The following ZNF74 variants were observed in gnomAD, a reference collection of about 807,000 sequenced individuals.
The protein encoded by ZNF74 is zinc finger protein 74, also known as zinc finger protein 520.
Under a neutral mutation model 17.7 loss-of-function variants are expected in ZNF74, and 12 were observed. The observed-to-expected ratio is 0.68, with a 90% CI of 0.43 to 1.10. The LOEUF (loss-of-function observed/expected upper bound fraction) is 1.10, where lower values mean the gene tolerates loss of function less well. Ranked by LOEUF, ZNF74 falls within the 50% of genes least tolerant of loss-of-function variation. ZNF74 has a pLI of 0.00. For missense variants in ZNF74, 811 were observed against 881.0 expected, an observed-to-expected ratio of 0.92 and a Z score of 1.01; for synonymous variants, 358 against 362.1, an observed-to-expected ratio of 0.99 and a Z score of 0.13.
chr22:20,394,738 A>G (rs2052272384), intron 1 of ZNF74, 76 bp downstream of exon 1: 2 of 1,410,268 alleles, frequency 1.4e-6, no homozygotes, highest in Admixed American at 1.9e-5. Context: ...AGATCAGGCC[A>G]GTTTCCCAGA....
chr22:20,401,332 A>G lies in ZNF74; in HGVS notation c.303A>G (p.Pro101=), dbSNP rs376009402. 7 of 1,611,304 alleles carry G rather than the reference A, an allele frequency of 4.3e-6. No homozygotes were observed. Among genetic ancestry groups the G allele is most frequent in the Non-Finnish European group, 5.1e-6 (6 of 1,178,890 alleles). ...VISHLERGEE[P]WSMQREVPRG... The stretch of plus-strand genomic sequence containing the variant: ...CTCATCTGGAACGAGGCGAGGAGCC[A>G]TGGAGCATGCAGAGGGAAGTCCCCA... Residue 101 remains proline (P), a synonymous_variant, in exon 4 of 5, where the codon CCA becomes CCG. Coordinates refer to ENST00000400451, the MANE Select transcript of ZNF74 (RefSeq NM_003426.4). This position sits in a 1 kb window ranked among gnomAD's most constrained non-coding sequence, Gnocchi z 4.2.
In ZNF74 at chr22:20,405,446, T is replaced by C. The variant is rs781482465; in HGVS notation, c.413T>C (p.Ile138Thr). 6.2e-7 allele frequency: 1 copy of C among 1,613,314 alleles called. No individual in the cohort carries two copies. Among genetic ancestry groups the C allele is most frequent in the Non-Finnish European group, 8.5e-7 (1 of 1,179,818 alleles). ...ICKEEPAQEP[I>T]MERPLGGAQA... ...AAAGAAGAACCGGCCCAGGAGCCCA[T>C]CATGGAGCGGCCCCTCGGCGGGGCG... Residue 138 changes from isoleucine (I) to threonine (T), a missense_variant, in exon 5 of 5, where the codon ATC (isoleucine) becomes ACC (threonine). Ile to Thr is a moderately conservative substitution (Grantham distance 89). Around this residue, in one of 3 missense-constraint regions of ZNF74, gnomAD observed 666 missense variants for 702.3 expected, o/e 0.95. Coordinates refer to ENST00000400451, the MANE Select transcript of ZNF74 (RefSeq NM_003426.4).
chr22:20,394,759 A>ATAT, intron 1 of ZNF74, 97 bp downstream of exon 1: 1 of 1,178,020 alleles, frequency 8.5e-7, no homozygotes, highest in Non-Finnish European at 1.2e-6. Context: ...AGCATCCAGC[A>ATAT]TCTTTTTTTT....
Position 20,394,285 on chromosome 22 carries a change from A to C in ZNF74, c.-344A>C, listed in dbSNP as rs1206397376. The C allele has an allele frequency of 2.8e-6, 2 of 705,582 alleles. No individual in the cohort carries two copies. The highest frequency in any genetic ancestry group is 5.2e-6 in the Non-Finnish European group (2 of 381,286). 43.7% of individuals were successfully genotyped at this position (705,582 alleles called of 1,614,324 possible). ...CTGTCCGCTGGTCGCTCCGCGTCCG[A>C]TGGCTCCTGGCCGCGGAACCTTAGG... On this transcript the variant is annotated 5_prime_UTR_variant, in exon 1 of 5. An upstream start codon of the reference 5' UTR is lost. Coordinates refer to ENST00000400451, the MANE Select transcript of ZNF74 (RefSeq NM_003426.4).
At chr22:20,397,695 A>ATGTT (rs2052310957) in intron 2 of ZNF74, among the ~76,000 whole-genome samples, 2 of 152,178 alleles carry the variant, frequency 1.3e-5, no homozygotes, top group Non-Finnish European at 2.9e-5. Flanking sequence ...TGTGTGAATC[A>ATGTT]GTAGTTTGTT....
chr22:20,405,750 C>CG lies in ZNF74; in HGVS notation c.721dup (p.Ala241GlyfsTer40). ...AGTTCCCCCAGGTGCGCCGGCAGCG[C>CG]GGGGCGGGCGCCGGGGAGGGCGAGT... is the stretch of plus-strand genomic sequence containing the variant. On this transcript the variant is annotated frameshift_variant, in exon 5 of 5. Coordinates refer to ENST00000400451, the MANE Select transcript of ZNF74 (RefSeq NM_003426.4). LOFTEE classifies it low-confidence loss of function (END_TRUNC). 1 of 1,604,998 alleles carries CG rather than the reference C, an allele frequency of 6.2e-7. No individual in the cohort carries two copies. The highest frequency in any genetic ancestry group is 8.5e-7 in the Non-Finnish European group (1 of 1,176,356).
In ZNF74 at chr22:20,401,468, T is replaced by C. The variant is rs769281948; in HGVS notation, c.343+96T>C. On this transcript the variant is annotated intron_variant, in intron 4 of 4. Coordinates refer to ENST00000400451, the MANE Select transcript of ZNF74 (RefSeq NM_003426.4). The surrounding 1 kb of genome is among the most constrained non-coding windows in gnomAD (Gnocchi z 4.2). ...TTTTCCTCCCTCAGTTTGCCCCGGC[T>C]CCATCTCCCCTTTTCAGGTCCCCCG... The C allele has an allele frequency of 1.3e-6, 1 of 799,702 alleles. No homozygotes were observed. The highest frequency in any genetic ancestry group is 1.7e-5 in the African/African-American group (1 of 58,494). The allele number at this position is 799,702 out of a possible 1,614,324, so 49.5% of individuals were successfully genotyped here.
intron 2 of ZNF74, among the ~76,000 whole-genome samples, chr22:20,397,796 A>G (rs1322185705): frequency 6.6e-6 from 1 of 152,162 alleles, no homozygotes; most frequent in Non-Finnish European, 1.5e-5. Flanking sequence ...ACAGAAATGT[A>G]TTTCCTCACA....
chr22:20,402,191 G>A (rs1314038760), intron 4 of ZNF74, among the ~76,000 whole-genome samples: 2 of 152,100 alleles, frequency 1.3e-5, no homozygotes, highest in Non-Finnish European at 2.9e-5. Context: ...CACGGGGGTC[G>A]GGGAAGGCAG....
chr22:20,397,121 G>C (rs550349836), intron 2 of ZNF74, among the ~76,000 whole-genome samples: 2 of 149,562 alleles, frequency 1.3e-5, no homozygotes, highest in East Asian at 3.9e-4. Flanking sequence ...CTGTCGCCCA[G>C]GCTGGAGTGC....
intron 2 of ZNF74, among the ~76,000 whole-genome samples, chr22:20,396,167 T>G (rs1477356371): frequency 4.0e-5 from 6 of 148,526 alleles, no homozygotes; most frequent in East Asian, 2.0e-4. Context: ...TTTGGGTTTT[T>G]GTTTTTTTTT....
intron 4 of ZNF74, 123 bp from the exon 5 acceptor site, chr22:20,405,254 C>A (rs901017789): frequency 2.8e-5 from 30 of 1,063,468 alleles, no homozygotes; most frequent in Middle Eastern, 2.3e-4. Flanking sequence ...ACCTTCCAGC[C>A]TTGGCCCTGG....
chr22:20,396,880 T>C (rs1294748363), intron 2 of ZNF74, among the ~76,000 whole-genome samples: 6 of 152,156 alleles, frequency 3.9e-5, no homozygotes, highest in Non-Finnish European at 8.8e-5. Flanking sequence ...TTCCTTTCCC[T>C]GCAGAATGAT....
At chr22:20,396,952 GC>G (rs1256822732) in intron 2 of ZNF74, among the ~76,000 whole-genome samples, 1 of 152,154 alleles carries the variant, frequency 6.6e-6, no homozygotes, top group Non-Finnish European at 1.5e-5. Flanking sequence ...GCCTGTGCGG[GC>G]CTCAGACCCT....
chr22:20,406,471 G>A lies in ZNF74; in HGVS notation c.1438G>A (p.Ala480Thr), dbSNP rs773881153. 3.7e-6 allele frequency: 6 copies of A among 1,613,930 alleles called. No individual in the cohort carries two copies. The African/African-American group carries it at 8.0e-5, about 22-fold the overall frequency. ...CTTCAAGTGCAACGAGTGCGGCAAAGCCTTCAGCTCCCACGCCTACCTCAT... is the reference window on the plus strand; with the variant it reads ...CTTCAAGTGCAACGAGTGCGGCAAAACCTTCAGCTCCCACGCCTACCTCAT... ...KPFKCNECGK[A>T]FSSHAYLIVH... The change falls in exon 5 of 5, where the codon GCC (alanine) becomes ACC (threonine). Residue 480 changes from alanine (A) to threonine (T), a missense_variant. Ala to Thr is a moderately conservative substitution (Grantham distance 58, BLOSUM62 0). Transcript: ENST00000400451.
rs117506051 is a variant in ZNF74 at position 20,407,276 on chromosome 22, G to A, written c.*308G>A. ...CTTGCCAATAAAAAGAAGGGATATC[G>A]TTGGGTGCCATGGCTCACACCTGTA... On this transcript the variant is annotated 3_prime_UTR_variant, in exon 5 of 5. Transcript: ENST00000400451. The A allele has an allele frequency of 0.011, 4,183 of 367,296 alleles. 62 individuals are homozygous for A. Among genetic ancestry groups the A allele is most frequent in the Middle Eastern group, 0.02 (24 of 1,222 alleles). The allele number at this position is 367,296 out of a possible 1,614,324, so 22.8% of individuals were successfully genotyped here. A position where few individuals can be genotyped will look rare whatever the true frequency, so the allele number is the denominator to read the frequency against.
In ZNF74 at chr22:20,406,009, C is replaced by T. The variant is rs867354241; in HGVS notation, c.976C>T (p.His326Tyr). The change falls in exon 5 of 5, where the codon CAC becomes TAC. Residue 326 changes from histidine (H) to tyrosine (Y), a missense_variant. Physicochemically the swap from His to Tyr is moderately conservative, Grantham distance 83. Around this residue, in one of 3 missense-constraint regions of ZNF74, gnomAD observed 666 missense variants for 702.3 expected, o/e 0.95. Coordinates refer to ENST00000400451, the MANE Select transcript of ZNF74 (RefSeq NM_003426.4). Reference protein sequence around the residue: ...HSSLNVHQRIHTGERPYKCSA... With the variant: ...HSSLNVHQRIYTGERPYKCSA... ...GTCCCTCAACGTGCACCAGCGCATC[C>T]ACACGGGCGAGCGGCCCTACAAGTG... The T allele has an allele frequency of 6.2e-7, 1 of 1,613,740 alleles. No homozygotes were observed. The highest frequency in any genetic ancestry group is 8.5e-7 in the Non-Finnish European group (1 of 1,179,890).
intron 2 of ZNF74, among the ~76,000 whole-genome samples, chr22:20,397,183 TC>T (rs1474252178): frequency 6.6e-6 from 1 of 150,906 alleles, no homozygotes; most frequent in Non-Finnish European, 1.5e-5. Flanking sequence ...CTCAAGCAAA[TC>T]CCCCACCTCG....
In ZNF74 at chr22:20,405,748, C is replaced by A; in HGVS notation, c.715C>A (p.Arg239Ser). The stretch of plus-strand genomic sequence containing the variant: ...AAAGTTCCCCCAGGTGCGCCGGCAG[C>A]GCGGGGCGGGCGCCGGGGAGGGCGA... The part of the protein sequence containing the change: ...PEKFPQVRRQ[R>S]GAGAGEGEFV... Residue 239 changes from arginine to serine, a missense_variant, in exon 5 of 5, where the codon CGC (arginine) becomes AGC (serine). Around this residue, in one of 3 missense-constraint regions of ZNF74, gnomAD observed 666 missense variants for 702.3 expected, o/e 0.95. Transcript: ENST00000400451. 6.2e-7 allele frequency: 1 copy of A among 1,604,682 alleles called. No individual in the cohort carries two copies. Among genetic ancestry groups the A allele is most frequent in the Non-Finnish European group, 8.5e-7 (1 of 1,176,198 alleles).
Sources: gnomAD v4.1 joint callset for allele counts (sites outside exome capture counted in the v4.1 genomes callset) on GRCh38, gnomAD v4.1.1 for gene constraint, gnomAD v4.1.1 regional missense constraint, Gnocchi (gnomAD v3.1) non-coding constraint, MANE v1.5 for transcripts, NCBI Gene and HGNC (gene_info 2026-07-23, HGNC 2026-07-21) for gene names.